Variants in EYS observed in about 807,000 individuals in gnomAD.
EYS encodes protein eyes shut homolog.
A neutral mutation model predicts 282.1 loss-of-function variants in EYS; 250 were observed. The observed-to-expected ratio is 0.89, with a 90% confidence interval of 0.80 to 0.98. EYS has a LOEUF of 0.98. Among genes scored for constraint, EYS ranks in the 50% least tolerant of loss-of-function variants. The pLI is 0.00. For synonymous variants in EYS, 1,355 were observed against 1,282.9 expected, an observed-to-expected ratio of 1.06 and a Z score of -1.20; for missense variants, 4,016 against 3,709.0, an observed-to-expected ratio of 1.08 and a Z score of -2.15.
intron 35 of EYS, among the ~76,000 whole-genome samples, chr6:63,941,749 C>CCCCTTACCTATACAGCTGCTAAGCT (rs1289593867): frequency 1.3e-5 from 2 of 152,118 alleles, no homozygotes; most frequent in Non-Finnish European, 2.9e-5. Context: ...GATCGGGACT[C>CCCCTTACCTATACAGCTGCTAAGCT]CCCTTACCTA....
chr6:64,672,459 T>A (rs1189534461), intron 22 of EYS, among the ~76,000 whole-genome samples: 1 of 152,170 alleles, frequency 6.6e-6, no homozygotes, highest in Non-Finnish European at 1.5e-5. Context: ...ATAATGGGAT[T>A]TGAACCTCCC....
intron 35 of EYS, among the ~76,000 whole-genome samples, chr6:63,931,824 A>T: frequency 6.6e-6 from 1 of 152,194 alleles, no homozygotes; most frequent in East Asian, 1.9e-4. Context: ...ATAATAAATT[A>T]TCATTAACCA....
chr6:63,998,343 G>T (rs1767929111), intron 34 of EYS, among the ~76,000 whole-genome samples: 1 of 151,912 alleles, frequency 6.6e-6, no homozygotes, highest in Non-Finnish European at 1.5e-5. Flanking sequence ...TGCTTCTTTT[G>T]GATGCCTATA....
chr6:65,648,314 ATG>A (rs58196369), intron 1 of EYS, among the ~76,000 whole-genome samples: 3,747 of 147,792 alleles, frequency 0.025, 145 homozygotes, highest in African/African-American at 0.08. Context: ...AAGAAAATAT[ATG>A]TGTGTGTGTG....
chr6:64,544,512 C>A (rs1015114188), intron 26 of EYS, among the ~76,000 whole-genome samples: 4 of 152,086 alleles, frequency 2.6e-5, no homozygotes, highest in African/African-American at 9.7e-5. Context: ...TGAACAGAAG[C>A]TGGAGATGGA....
intron 26 of EYS, among the ~76,000 whole-genome samples, chr6:64,586,413 C>T (rs966442289): frequency 6.6e-6 from 1 of 152,134 alleles, no homozygotes; most frequent in Non-Finnish European, 1.5e-5. Flanking sequence ...GTAAGAAATA[C>T]ATGTACATGT....
intron 1 of EYS, among the ~76,000 whole-genome samples, chr6:65,652,492 T>C (rs9345665): frequency 0.4 from 61,414 of 151,772 alleles, 15,004 homozygotes; most frequent in Non-Finnish European, 0.54. Context: ...GTCACTTTTT[T>C]CATATTTTGA....
chr6:64,107,985 G>T (rs1208944424), intron 31 of EYS, among the ~76,000 whole-genome samples: 1 of 152,114 alleles, frequency 6.6e-6, no homozygotes, highest in Admixed American at 6.6e-5. Context: ...TTTAGGCTCT[G>T]ATAAAATCCC....
chr6:63,934,343 A>T (rs943860037), intron 35 of EYS, among the ~76,000 whole-genome samples: 5 of 152,166 alleles, frequency 3.3e-5, no homozygotes, highest in African/African-American at 9.7e-5. Flanking sequence ...CAGTGTGGCG[A>T]TTCCTCAGGG....
chr6:65,183,189 A>C (rs530911092), intron 12 of EYS, among the ~76,000 whole-genome samples: 55 of 152,086 alleles, frequency 3.6e-4, no homozygotes, highest in African/African-American at 1.3e-3. Flanking sequence ...ATTTTTTCGT[A>C]TAGTTATTAC....
At chr6:63,765,201 T>C (rs1769756469) in intron 40 of EYS, among the ~76,000 whole-genome samples, 1 of 152,098 alleles carries the variant, frequency 6.6e-6, no homozygotes, top group South Asian at 2.1e-4. Context: ...GAGCATAGTA[T>C]TGTGCTTGAT....
intron 2 of EYS, among the ~76,000 whole-genome samples, chr6:65,626,285 C>T (rs1562296621): frequency 6.6e-6 from 1 of 152,170 alleles, no homozygotes; most frequent in Non-Finnish European, 1.5e-5. Context: ...TCATTTCTGG[C>T]TCAGACCTTG....
intron 14 of EYS, among the ~76,000 whole-genome samples, chr6:64,948,164 T>C (rs953213712): frequency 6.6e-6 from 1 of 151,116 alleles, no homozygotes; most frequent in Non-Finnish European, 1.5e-5. Context: ...AAAGAAAACA[T>C]AAAAGGATGA....
intron 31 of EYS, among the ~76,000 whole-genome samples, chr6:64,151,311 G>GTATATTTATATATATATATATATA (rs1377127846): frequency 1.1e-4 from 10 of 87,152 alleles, no homozygotes; most frequent in African/African-American, 4.3e-4. Context: ...GTGTGTGTGT[G>GTATATTTATATATATATATATATA]TATATTTATA....
At chr6:63,724,114 C>T (rs1582143399) in intron 42 of EYS, among the ~76,000 whole-genome samples, 1 of 152,048 alleles carries the variant, frequency 6.6e-6, no homozygotes, top group Admixed American at 6.6e-5. Context: ...GCCTTGGATT[C>T]GCATTAGAGT....
intron 5 of EYS, among the ~76,000 whole-genome samples, chr6:65,476,601 A>T (rs938576412): frequency 6.6e-6 from 1 of 151,686 alleles, no homozygotes; most frequent in Non-Finnish European, 1.5e-5. Context: ...TTTTTGAGAC[A>T]AAGTCTCGCT....
chr6:64,076,872 T>C (rs1771789932), intron 32 of EYS, among the ~76,000 whole-genome samples: 1 of 151,990 alleles, frequency 6.6e-6, no homozygotes, highest in African/African-American at 2.4e-5. Context: ...ATACTTCTAA[T>C]TTAAGACATG....
At chr6:65,546,407 CTG>C (rs1768388522) in intron 2 of EYS, among the ~76,000 whole-genome samples, 1 of 151,564 alleles carries the variant, frequency 6.6e-6, no homozygotes, top group African/African-American at 2.4e-5. Flanking sequence ...AACTGTGACT[CTG>C]TAAATATAAA....
At chr6:64,156,681 G>A (rs1050965825) in intron 31 of EYS, among the ~76,000 whole-genome samples, 14 of 152,072 alleles carry the variant, frequency 9.2e-5, no homozygotes, top group African/African-American at 3.1e-4. Context: ...GGAACTTGTT[G>A]GGAACTGGAG....
Sources: gnomAD v4.1 joint callset for allele counts (sites outside exome capture counted in the v4.1 genomes callset) on GRCh38, gnomAD v4.1.1 for gene constraint, MANE v1.5 for transcripts, NCBI Gene and HGNC (gene_info 2026-07-23, HGNC 2026-07-21) for gene names.